The following CCNA1 variants were observed in gnomAD, a reference collection of about 807,000 sequenced individuals.
CCNA1 encodes the protein cyclin-A1.
In CCNA1, 23 loss-of-function variants were observed where a neutral mutation model predicts 54.1. That is an observed-to-expected ratio of 0.42 (90% CI 0.31 to 0.60). The LOEUF is 0.60. Ranked by LOEUF, CCNA1 falls within the 20% of genes least tolerant of loss-of-function variation. CCNA1 has a pLI of 0.14. For synonymous variants in CCNA1, 208 were observed against 213.9 expected, an observed-to-expected ratio of 0.97 and a Z score of 0.24; for missense variants, 450 against 556.7, an observed-to-expected ratio of 0.81 and a Z score of 1.93.
At chr13:36,436,428 C>A (rs932664153) in intron 2 of CCNA1, among the ~76,000 whole-genome samples, 1 of 152,196 alleles carries the variant, frequency 6.6e-6, no homozygotes, top group African/African-American at 2.4e-5. Flanking sequence ...AATATAAACT[C>A]CATCAAGGTA....
In CCNA1 at chr13:36,438,059, T is replaced by C. The variant is rs1316353478; in HGVS notation, c.545-8T>C. 7 of 1,611,580 alleles carry C rather than the reference T, an allele frequency of 4.3e-6. No homozygotes were observed. Among genetic ancestry groups the C allele is most frequent in the African/African-American group, 4.0e-5 (3 of 74,824 alleles). On this transcript the variant is annotated splice_region_variant and splice_polypyrimidine_tract_variant and intron_variant, in intron 3 of 8. Transcript: ENST00000255465. ...AATGAGTTATCTGACAGTGTTGAAC[T>C]CTTGCAGTTTCCCCTATGCTGGTAG...
intron 8 of CCNA1, 75 bp downstream of exon 8, chr13:36,442,379 A>ATCTCTATTT: frequency 6.8e-7 from 1 of 1,476,196 alleles, no homozygotes; most frequent in Non-Finnish European, 9.3e-7. Flanking sequence ...TACTAGATTA[A>ATCTCTATTT]AAATAGATTA....
chr13:36,437,591 T>C (rs1415834256), intron 2 of CCNA1, 38 bp from the exon 3 acceptor site: 1 of 1,602,962 alleles, frequency 6.2e-7, no homozygotes, highest in East Asian at 2.2e-5. Flanking sequence ...CTGTGGTCTT[T>C]GACGTGGCCT....
chr13:36,433,666 G>T (rs766395524), intron 2 of CCNA1, among the ~76,000 whole-genome samples: 12 of 150,376 alleles, frequency 8.0e-5, no homozygotes, highest in Non-Finnish European at 1.8e-4. Flanking sequence ...TCAGCCTCCC[G>T]AGTAGCTGGG....
chr13:36,433,419 T>TTCGTTCG lies in CCNA1; in HGVS notation c.297+199_297+200insCGTTCGT, dbSNP rs1566169568. Among the ~76,000 whole-genome samples the TTCGTTCG allele has an allele frequency of 4.7e-4, 56 of 119,332 alleles. 3 individuals carry two copies. The highest frequency in any genetic ancestry group is 1.9e-3 in the African/African-American group (56 of 29,542). 78.3% of individuals were successfully genotyped at this position (119,332 alleles called of 152,430 possible). A position where few individuals can be genotyped will look rare whatever the true frequency, so the allele number is the denominator to read the frequency against. On this transcript the variant is annotated intron_variant, in intron 2 of 8. Transcript: ENST00000255465. ...CTTTCTTTCTTTCTTTCTTTCTTTCTTTCTTTCTTTCTTTCTTTCTTTCGT... is the reference window on the plus strand; with the variant it reads ...CTTTCTTTCTTTCTTTCTTTCTTTCTTCGTTCGTTCTTTCTTTCTTTCTTTCTTTCGT...
chr13:36,437,568 G>T (rs2055820500), intron 2 of CCNA1, 61 bp from the exon 3 acceptor site: 1 of 1,552,896 alleles, frequency 6.4e-7, no homozygotes, highest in African/African-American at 1.4e-5. Flanking sequence ...AGTCATGCAG[G>T]TTCACATTGC....
At chr13:36,434,311 A>C (rs1235400830) in intron 2 of CCNA1, among the ~76,000 whole-genome samples, 2 of 152,218 alleles carry the variant, frequency 1.3e-5, no homozygotes, top group African/African-American at 4.8e-5. Flanking sequence ...CATAAGTGAG[A>C]AAATCTGAAA....
intron 2 of CCNA1, among the ~76,000 whole-genome samples, chr13:36,435,648 T>C (rs1256849429): frequency 6.6e-6 from 1 of 152,204 alleles, no homozygotes; most frequent in African/African-American, 2.4e-5. Context: ...TAGTCTTTGA[T>C]CTAAATCTTG....
intron 7 of CCNA1, among the ~76,000 whole-genome samples, chr13:36,441,759 G>A (rs1450753007): frequency 6.6e-6 from 1 of 151,872 alleles, no homozygotes; most frequent in Non-Finnish European, 1.5e-5. Context: ...GAATGCTTAT[G>A]TTTTTTTCTG....
At chr13:36,441,732 T>G (rs2055877262) in intron 7 of CCNA1, among the ~76,000 whole-genome samples, 1 of 152,194 alleles carries the variant, frequency 6.6e-6, no homozygotes, top group South Asian at 2.1e-4. Flanking sequence ...AAGTGGGGTG[T>G]CTACCCTTAT....
At chr13:36,436,718 T>C (rs2055810011) in intron 2 of CCNA1, among the ~76,000 whole-genome samples, 1 of 152,226 alleles carries the variant, frequency 6.6e-6, no homozygotes, top group African/African-American at 2.4e-5. Context: ...GTGTTCGTTT[T>C]CTTACAGACA....
intron 2 of CCNA1, among the ~76,000 whole-genome samples, chr13:36,433,676 G>A (rs942054662): frequency 3.3e-5 from 5 of 151,388 alleles, no homozygotes; most frequent in Admixed American, 6.6e-5. Context: ...GAGTAGCTGG[G>A]ATTTCAGGCA....
rs1230527735 is a variant in CCNA1, at chr13:36,433,419, TTTC to T, written c.297+201_297+203del. Among the ~76,000 whole-genome samples, 261 of 119,422 alleles carry T rather than the reference TTTC, an allele frequency of 2.2e-3. 13 individuals carry two copies. The highest frequency in any genetic ancestry group is 1.5e-3 in the South Asian group (6 of 3,934). The allele number at this position is 119,422 out of a possible 152,430, so 78.3% of individuals were successfully genotyped here. A position where few individuals can be genotyped will look rare whatever the true frequency, so the allele number is the denominator to read the frequency against. ...CTTTCTTTCTTTCTTTCTTTCTTTC[TTTC>T]TTTCTTTCTTTCTTTCTTTCGTTCT... On this transcript the variant is annotated intron_variant, in intron 2 of 8. Coordinates refer to ENST00000255465, the MANE Select transcript of CCNA1 (RefSeq NM_003914.4).
chr13:36,436,553 A>C (rs1048638332), intron 2 of CCNA1, among the ~76,000 whole-genome samples: 1 of 152,256 alleles, frequency 6.6e-6, no homozygotes, highest in Non-Finnish European at 1.5e-5. Context: ...GCCTATGGAC[A>C]CAGTATCTAT....
intron 2 of CCNA1, among the ~76,000 whole-genome samples, chr13:36,436,129 C>T (rs1251387103): frequency 1.3e-5 from 2 of 152,202 alleles, no homozygotes; most frequent in Admixed American, 6.5e-5. Flanking sequence ...TCCACCTGTG[C>T]ACAGCCAGAA....
chr13:36,440,608 T>C (rs906256398), intron 6 of CCNA1, among the ~76,000 whole-genome samples: 3 of 152,228 alleles, frequency 2.0e-5, no homozygotes, highest in Non-Finnish European at 2.9e-5. Flanking sequence ...AGTATTGCTT[T>C]GGTCAACTGG....
In CCNA1 at chr13:36,438,760, A is replaced by G. The variant is rs1178912255; in HGVS notation, c.786A>G (p.Ala262=). Residue 262 remains alanine, a synonymous_variant, in exon 5 of 9, where the codon GCA becomes GCG. Coordinates refer to ENST00000255465, the MANE Select transcript of CCNA1 (RefSeq NM_003914.4). The stretch of plus-strand genomic sequence containing the variant: ...TTGGGGAAGAATATAAACTTCGAGC[A>G]GAGACCCTGTATCTGGCTGTCAACT... 6 of 1,614,118 alleles carry G rather than the reference A, an allele frequency of 3.7e-6. No homozygotes were observed. In the South Asian group the frequency reaches 6.6e-5, roughly 18 times the overall value.
chr13:36,434,445 T>G (rs2055775795), intron 2 of CCNA1, among the ~76,000 whole-genome samples: 2 of 152,204 alleles, frequency 1.3e-5, no homozygotes, highest in South Asian at 4.1e-4. Flanking sequence ...TTTTAACAAA[T>G]TTTAATTTGC....
intron 3 of CCNA1, 21 bp from the exon 4 acceptor site, chr13:36,438,046 G>A (rs765006569): frequency 6.2e-7 from 1 of 1,608,790 alleles, no homozygotes; most frequent in South Asian, 1.1e-5. Flanking sequence ...TGAGTTATCT[G>A]ACAGTGTTGA....
Sources: gnomAD v4.1 joint callset for allele counts (sites outside exome capture counted in the v4.1 genomes callset) on GRCh38, gnomAD v4.1.1 for gene constraint, MANE v1.5 for transcripts, NCBI Gene and HGNC (gene_info 2026-07-23, HGNC 2026-07-21) for gene names.